The following MTAP variants were observed in gnomAD, a reference collection of about 807,000 sequenced individuals.
MTAP encodes S-methyl-5'-thioadenosine phosphorylase.
MTAP carries 33 observed loss-of-function variants against 33.6 expected under a neutral mutation model. The ratio of observed to expected loss-of-function variants is 0.98; its 90% confidence interval spans 0.74 to 1.31. The LOEUF is 1.31. Ranked by LOEUF, MTAP falls within the 40% of genes most tolerant of loss-of-function variation. MTAP has a pLI of 0.00. For synonymous variants in MTAP, 148 were observed against 125.7 expected (o/e 1.18, Z -1.19); for missense variants, 367 against 360.0 (o/e 1.02, Z -0.16).
intron 1 of MTAP, among the ~76,000 whole-genome samples, chr9:21,910,685 A>C (rs1417447856): frequency 1.3e-5 from 2 of 152,314 alleles, no homozygotes; most frequent in Admixed American, 6.5e-5. Flanking sequence ...TGGTTTTTTA[A>C]TAGCAGTGAT....
In MTAP at chr9:21,802,648, C is replaced by A; in HGVS notation, c.-101C>A. The A allele has an allele frequency of 2.2e-6, 3 of 1,368,636 alleles. No individual in the cohort carries two copies. Among genetic ancestry groups the A allele is most frequent in the Non-Finnish European group, 3.1e-6 (3 of 973,384 alleles). The allele number at this position is 1,368,636 out of a possible 1,614,324, so 84.8% of individuals were successfully genotyped here. On this transcript the variant is annotated 5_prime_UTR_variant, in exon 1 of 8. Coordinates refer to ENST00000644715, the MANE Select transcript of MTAP (RefSeq NM_002451.4). ...GCCCGCCCCTGGTCTCCGCACTGCT[C>A]ACTCCCGCGCAGTGAGGTTGGCACA... is the stretch of plus-strand genomic sequence containing the variant.
Position 21,864,828 on chromosome 9 carries a change from C to T in MTAP, c.*2814C>T. On this transcript the variant is annotated 3_prime_UTR_variant, in exon 8 of 8. Transcript: ENST00000644715. ...CCACGTGAGCCTGCTCTGGCATCCACAGGATGCTCCTGGAGCCTCTTCTCT... is the reference window on the plus strand; with the variant it reads ...CCACGTGAGCCTGCTCTGGCATCCATAGGATGCTCCTGGAGCCTCTTCTCT... 1 of 985,498 alleles carries T rather than the reference C, an allele frequency of 1.0e-6. No homozygotes were observed. Among genetic ancestry groups the T allele is most frequent in the Non-Finnish European group, 1.2e-6 (1 of 829,968 alleles). 61.0% of individuals were successfully genotyped at this position (985,498 alleles called of 1,614,324 possible).
chr9:21,886,390 A>G (rs1286225197), intron 1 of MTAP, among the ~76,000 whole-genome samples: 1 of 151,068 alleles, frequency 6.6e-6, no homozygotes, highest in East Asian at 1.9e-4. Flanking sequence ...ATTTTCTTCC[A>G]CTCTGTGGGT....
downstream of MTAP, among the ~76,000 whole-genome samples, chr9:21,870,262 C>T (rs758566411): frequency 1.3e-5 from 2 of 152,232 alleles, no homozygotes; most frequent in Non-Finnish European, 2.9e-5. Flanking sequence ...TAGCTCTTAA[C>T]TTCTCCCTAC....
intron 1 of MTAP, among the ~76,000 whole-genome samples, chr9:21,877,905 G>C (rs1218271607): frequency 6.6e-6 from 1 of 152,066 alleles, no homozygotes; most frequent in Non-Finnish European, 1.5e-5. Context: ...CTCCTCCTCA[G>C]TTTTTGGAAT....
chr9:21,802,671 A>T lies in MTAP; in HGVS notation c.-78A>T, dbSNP rs1824077799. 1 of 1,558,568 alleles carries T rather than the reference A, an allele frequency of 6.4e-7. No homozygotes were observed. Among genetic ancestry groups the T allele is most frequent in the Non-Finnish European group, 8.8e-7 (1 of 1,136,124 alleles). On this transcript the variant is annotated 5_prime_UTR_variant, in exon 1 of 8. Coordinates refer to ENST00000644715, the MANE Select transcript of MTAP (RefSeq NM_002451.4). ...CTCACTCCCGCGCAGTGAGGTTGGC[A>T]CAGCCACCGCTCTGTGGCTCGCTTG...
rs1012308759 is a variant in MTAP, at chr9:21,866,398, A to T, written c.*4384A>T. The T allele has an allele frequency of 1.3e-5, 2 of 151,796 alleles. No individual in the cohort carries two copies. Among genetic ancestry groups the T allele is most frequent in the African/African-American group, 2.4e-5 (1 of 41,348 alleles). The allele number at this position is 151,796 out of a possible 1,614,324, so 9.4% of individuals were successfully genotyped here. A position where few individuals can be genotyped will look rare whatever the true frequency, so the allele number is the denominator to read the frequency against. On this transcript the variant is annotated 3_prime_UTR_variant, in exon 8 of 8. Coordinates refer to ENST00000644715, the MANE Select transcript of MTAP (RefSeq NM_002451.4). ...CATTTTGACGAAGCCTAGTTTATCAATTTTTTTTATGGTTGGTGCTTTTTG... is the reference window on the plus strand; with the variant it reads ...CATTTTGACGAAGCCTAGTTTATCATTTTTTTTTATGGTTGGTGCTTTTTG...
At chr9:21,924,961 A>C (rs2131038630) in intron 1 of MTAP, among the ~76,000 whole-genome samples, 1 of 152,274 alleles carries the variant, frequency 6.6e-6, no homozygotes. Context: ...ACTGGGACAA[A>C]CCCTGTCTAA....
At chr9:21,855,343 G>A (rs1587250852) in intron 6 of MTAP, among the ~76,000 whole-genome samples, 1 of 152,246 alleles carries the variant, frequency 6.6e-6, no homozygotes, top group African/African-American at 2.4e-5. Flanking sequence ...CCGACATTCT[G>A]TCGGATGGAG....
intron 1 of MTAP, among the ~76,000 whole-genome samples, chr9:21,882,352 C>A (rs1204391972): frequency 2.0e-5 from 3 of 151,840 alleles, no homozygotes; most frequent in Admixed American, 6.6e-5. Context: ...TTTGCTACAA[C>A]CTTTAAAAAG....
chr9:21,903,904 C>A (rs185806995), intron 1 of MTAP, among the ~76,000 whole-genome samples: 2 of 152,136 alleles, frequency 1.3e-5, no homozygotes, highest in Admixed American at 6.5e-5. Context: ...CTCAAGTAGA[C>A]CCCCTTTCTT....
At chr9:21,935,198 TACA>T (rs1011774506), downstream of MTAP, 13 of 152,314 alleles carry the variant, frequency 8.5e-5, 1 homozygote, top group Admixed American at 7.8e-4. Flanking sequence ...ACTTGCTGAA[TACA>T]ACAATTGAAT....
At chr9:21,912,214 C>T (rs894936530) in intron 1 of MTAP, among the ~76,000 whole-genome samples, 14 of 152,172 alleles carry the variant, frequency 9.2e-5, no homozygotes, top group African/African-American at 3.4e-4. Context: ...CAAAGAGGAG[C>T]TGGTACCATT....
chr9:21,811,670 G>GCCT lies in MTAP; in HGVS notation c.34-3759_34-3757dup. ...CTCAAACTCTTCCTCCTCAGCCGTGGCCTCCTGCTACTGCTGGTACTCAGA... is the reference window on the plus strand; with the variant it reads ...CTCAAACTCTTCCTCCTCAGCCGTGGCCTCCTCCTGCTACTGCTGGTACTCAGA... On this transcript the variant is annotated intron_variant, in intron 1 of 7. Coordinates refer to ENST00000644715, the MANE Select transcript of MTAP (RefSeq NM_002451.4). The GCCT allele has an allele frequency of 9.4e-6, 5 of 529,214 alleles. 1 individual carries two copies. Among genetic ancestry groups the GCCT allele is most frequent in the South Asian group, 6.9e-5 (5 of 72,058 alleles). 32.8% of individuals were successfully genotyped at this position (529,214 alleles called of 1,614,324 possible).
Position 21,915,021 on chromosome 9 carries a change from TTC to T in MTAP, c.148-15986_148-15985del, listed in dbSNP as rs1491387229. 2.2e-4 allele frequency among the ~76,000 whole-genome samples: 22 copies of T among 98,996 alleles called. 3 individuals carry two copies. In the East Asian group the frequency reaches 6.3e-3, roughly 28 times the overall value. The allele number at this position is 98,996 out of a possible 152,430, so 64.9% of individuals were successfully genotyped here. A position where few individuals can be genotyped will look rare whatever the true frequency, so the allele number is the denominator to read the frequency against. ...TTTCTTTCCTTCCTTCCTTCCTTCC[TTC>T]CTTCCTTCCTTCCTTCCTTCCTTCC... On this transcript the variant is annotated intron_variant, in intron 1 of 1. Coordinates refer to the MTAP transcript ENST00000577563.
intron 6 of MTAP, among the ~76,000 whole-genome samples, chr9:21,858,124 T>C (rs115717472): frequency 0.013 from 1,953 of 152,298 alleles, 44 homozygotes; most frequent in African/African-American, 0.043. Context: ...GGTATTTTAA[T>C]TCCATAATAT....
At chr9:21,924,285 C>G (rs769152189) in intron 1 of MTAP, among the ~76,000 whole-genome samples, 1 of 152,152 alleles carries the variant, frequency 6.6e-6, no homozygotes, top group Non-Finnish European at 1.5e-5. Flanking sequence ...CATCTCCCTA[C>G]TACAGTACAA....
At chr9:21,806,167 G>A (rs1314332261) in intron 1 of MTAP, among the ~76,000 whole-genome samples, 1 of 152,130 alleles carries the variant, frequency 6.6e-6, no homozygotes, top group Admixed American at 6.5e-5. Context: ...TAGCCTGTGG[G>A]CAGGGGAAGA....
intron 5 of MTAP, among the ~76,000 whole-genome samples, chr9:21,850,316 G>T (rs1360722745): frequency 6.6e-6 from 1 of 152,208 alleles, no homozygotes; most frequent in Non-Finnish European, 1.5e-5. Context: ...GTCCTCTCCT[G>T]CAACCAAGAA....
Sources: gnomAD v4.1 joint callset for allele counts (sites outside exome capture counted in the v4.1 genomes callset) on GRCh38, gnomAD v4.1.1 for gene constraint, MANE v1.5 for transcripts, NCBI Gene and HGNC (gene_info 2026-07-23, HGNC 2026-07-21) for gene names.